Variants in MYO1E observed in about 807,000 individuals in gnomAD.
MYO1E encodes the protein myosin IE.
A neutral mutation model predicts 151.1 loss-of-function variants in MYO1E; 68 were observed. The ratio of observed to expected loss-of-function variants is 0.45; its 90% CI spans 0.37 to 0.55. The LOEUF (loss-of-function observed/expected upper bound fraction) is 0.55. Ranked by LOEUF, MYO1E falls within the 20% of genes least tolerant of loss-of-function variation. The pLI is 0.00. For synonymous variants in MYO1E, 601 were observed against 501.7 expected (o/e 1.20, Z -2.64); for missense variants, 1,363 against 1,389.3 (o/e 0.98, Z 0.30).
chr15:59,148,369 T>G (rs1225691056), intron 26 of MYO1E, among the ~76,000 whole-genome samples: 1 of 152,216 alleles, frequency 6.6e-6, no homozygotes, highest in Non-Finnish European at 1.5e-5. Flanking sequence ...CTCCCACACC[T>G]CCTGGGTGGG....
chr15:59,271,660 C>A (rs1048602933), intron 2 of MYO1E, among the ~76,000 whole-genome samples: 1 of 152,176 alleles, frequency 6.6e-6, no homozygotes, highest in Non-Finnish European at 1.5e-5. Flanking sequence ...ACATAAAGAA[C>A]AACTGAAGAA....
chr15:59,279,760 G>A (rs963164213), intron 1 of MYO1E, among the ~76,000 whole-genome samples: 2 of 152,226 alleles, frequency 1.3e-5, no homozygotes, highest in South Asian at 2.1e-4. Flanking sequence ...TTAGAAGGGG[G>A]AGGGAAAAAA....
chr15:59,155,293 A>C (rs73420826), intron 25 of MYO1E, among the ~76,000 whole-genome samples: 1,738 of 152,352 alleles, frequency 0.011, 36 homozygotes, highest in African/African-American at 0.04. Flanking sequence ...TGCCTGTTGC[A>C]TCTTATAATA....
intron 4 of MYO1E, among the ~76,000 whole-genome samples, chr15:59,244,122 G>A (rs1338675147): frequency 1.3e-5 from 2 of 152,248 alleles, no homozygotes; most frequent in African/African-American, 2.4e-5. Context: ...ACAGATTGAG[G>A]AAAGTGTGAA....
chr15:59,269,564 A>G (rs561864029), intron 2 of MYO1E, among the ~76,000 whole-genome samples: 1 of 152,330 alleles, frequency 6.6e-6, no homozygotes, highest in East Asian at 1.9e-4. Flanking sequence ...GTACAATTCA[A>G]TTAAATGAAG....
intron 1 of MYO1E, among the ~76,000 whole-genome samples, chr15:59,285,644 C>T (rs530849073): frequency 7.1e-4 from 107 of 151,552 alleles, no homozygotes; most frequent in Middle Eastern, 3.4e-3. Flanking sequence ...CCACCACGCC[C>T]GACTAGACAC....
Position 59,226,637 on chromosome 15 carries a change from C to T in MYO1E, c.642+822G>A, listed in dbSNP as rs963640360. On this transcript the variant is annotated intron_variant, in intron 7 of 27. Coordinates refer to ENST00000288235, the MANE Select transcript of MYO1E (RefSeq NM_004998.4). ...ACCTGGGTAACATGGTGAAACCCCA[C>T]CTCTACGAAAAATACAAAAATTAGC... is the stretch of plus-strand genomic sequence containing the variant. Among the ~76,000 whole-genome samples the T allele has an allele frequency of 2.6e-5, 4 of 152,082 alleles. No homozygotes were observed. In the East Asian group the frequency reaches 5.8e-4, roughly 22 times the overall value.
Position 59,256,333 on chromosome 15 carries a change from T to C in MYO1E, c.283A>G (p.Met95Val), listed in dbSNP as rs1206457879. 2 of 1,613,182 alleles carry C rather than the reference T, an allele frequency of 1.2e-6. No homozygotes were observed. The highest frequency in any genetic ancestry group is 8.5e-7 in the Non-Finnish European group (1 of 1,179,278). The change falls in exon 4 of 28, where the codon ATG becomes GTG. Residue 95 changes from methionine (M) to valine (V), a missense_variant. Physicochemically the swap from Met to Val is conservative, Grantham distance 21 (BLOSUM62 1). Transcript: ENST00000288235. ...CTGTCAATGATCATGTTTCTGTACATATTATCTGCAAGGGCATAGATATGT... is the reference window on the plus strand; with the variant it reads ...CTGTCAATGATCATGTTTCTGTACACATTATCTGCAAGGGCATAGATATGT... ...PPHIYALADNMYRNMIIDREN... is the reference protein window; with the variant it reads ...PPHIYALADNVYRNMIIDREN...
chr15:59,223,315 G>GAAAAAAAAAAA (rs10711975), intron 8 of MYO1E, 124 bp from the exon 9 acceptor site: 1 of 724,574 alleles, frequency 1.4e-6, no homozygotes. Context: ...GAGTTACAAA[G>GAAAAAAAAAAA]AAAAAAAAAA....
rs536460721 is a variant in MYO1E at position 59,372,755 on chromosome 15, T to C, written c.-255A>G. The C allele has an allele frequency of 5.5e-6, 3 of 545,630 alleles. No homozygotes were observed. Among genetic ancestry groups the C allele is most frequent in the African/African-American group, 2.0e-5 (1 of 50,404 alleles). 33.8% of individuals were successfully genotyped at this position (545,630 alleles called of 1,614,324 possible). A position where few individuals can be genotyped will look rare whatever the true frequency, so the allele number is the denominator to read the frequency against. ...GCTGCGGAGGGCAAGAGTCCACTCG[T>C]ACTCGCCGGTCGCCGCCGGCCCAGG... On this transcript the variant is annotated 5_prime_UTR_variant, in exon 1 of 28. Transcript: ENST00000288235.
intron 26 of MYO1E, among the ~76,000 whole-genome samples, chr15:59,149,460 A>C (rs1241002847): frequency 7.2e-6 from 1 of 138,248 alleles, no homozygotes; most frequent in African/African-American, 2.6e-5. Context: ...ATGCTAATCG[A>C]TGGCAAGATC....
chr15:59,181,187 G>A (rs1596354870), intron 18 of MYO1E, among the ~76,000 whole-genome samples: 1 of 152,144 alleles, frequency 6.6e-6, no homozygotes, highest in South Asian at 2.1e-4. Context: ...GAAGTGGAAC[G>A]CCTTTGCTGA....
At chr15:59,362,263 G>A (rs1018903314) in intron 1 of MYO1E, among the ~76,000 whole-genome samples, 1 of 152,076 alleles carries the variant, frequency 6.6e-6, no homozygotes, top group East Asian at 1.9e-4. Context: ...TCAGATATGC[G>A]TCTTTCTACA....
rs1346221541 is a variant in MYO1E, at chr15:59,135,611, T to C, written c.*1769A>G. 2 of 152,250 alleles carry C rather than the reference T, an allele frequency of 1.3e-5. No individual in the cohort carries two copies. Among genetic ancestry groups the C allele is most frequent in the Non-Finnish European group, 2.9e-5 (2 of 68,042 alleles). The allele number at this position is 152,250 out of a possible 1,614,324, so 9.4% of individuals were successfully genotyped here. A position where few individuals can be genotyped will look rare whatever the true frequency, so the allele number is the denominator to read the frequency against. On this transcript the variant is annotated 3_prime_UTR_variant, in exon 28 of 28. Coordinates refer to ENST00000288235, the MANE Select transcript of MYO1E (RefSeq NM_004998.4). ...GAAGTAGCCTTTTAACATTATTCGT[T>C]ACTGTTACAGAATGGAGTTTGCTCC...
intron 10 of MYO1E, among the ~76,000 whole-genome samples, 174 bp downstream of exon 10, chr15:59,217,716 CA>C (rs1397569384): frequency 6.6e-6 from 1 of 151,516 alleles, no homozygotes; most frequent in Non-Finnish European, 1.5e-5. Context: ...TTTGTAGAGA[CA>C]GGGTCTCACC....
Position 59,260,282 on chromosome 15 carries a change from G to A in MYO1E, c.237+1138C>T, listed in dbSNP as rs548815034. ...GGGCACTAGGGCAGGGCCAGCCTCT[G>A]CTGACAGTGTTTCCCTTGTGCTGGG... is the stretch of plus-strand genomic sequence containing the variant. On this transcript the variant is annotated intron_variant, in intron 3 of 27. Coordinates refer to ENST00000288235, the MANE Select transcript of MYO1E (RefSeq NM_004998.4). Among the ~76,000 whole-genome samples, 15 of 152,342 alleles carry A rather than the reference G, an allele frequency of 9.8e-5. No homozygotes were observed. In the East Asian group the frequency reaches 2.9e-3, roughly 29 times the overall value.
At chr15:59,148,977 G>C (rs1284350111) in intron 26 of MYO1E, among the ~76,000 whole-genome samples, 1 of 151,928 alleles carries the variant, frequency 6.6e-6, no homozygotes, top group Non-Finnish European at 1.5e-5. Context: ...TTCAGTTATA[G>C]GAGGGAAAAT....
intron 1 of MYO1E, among the ~76,000 whole-genome samples, chr15:59,328,255 G>A (rs2080677801): frequency 6.6e-6 from 1 of 152,156 alleles, no homozygotes; most frequent in South Asian, 2.1e-4. Context: ...TTCTTGCACT[G>A]GGGAAGTGAC....
At chr15:59,271,579 T>C (rs2080289213) in intron 2 of MYO1E, among the ~76,000 whole-genome samples, 1 of 152,238 alleles carries the variant, frequency 6.6e-6, no homozygotes, top group South Asian at 2.1e-4. Context: ...TCAACCCATA[T>C]TTGAATCAAA....
Sources: gnomAD v4.1 joint callset for allele counts (sites outside exome capture counted in the v4.1 genomes callset) on GRCh38, gnomAD v4.1.1 for gene constraint, MANE v1.5 for transcripts, NCBI Gene and HGNC (gene_info 2026-07-23, HGNC 2026-07-21) for gene names.